The following TRAPPC13 variants were observed in gnomAD, a reference collection of about 807,000 sequenced individuals.
The protein encoded by TRAPPC13 is trafficking protein particle complex subunit 13, also known as REV7-interacting novel NHEJ regulator 1.
TRAPPC13 carries 39 observed loss-of-function variants against 54.0 expected under a neutral mutation model. The observed-to-expected ratio is 0.72, with a 90% CI of 0.56 to 0.94. TRAPPC13 has a LOEUF of 0.94. TRAPPC13 is among the 40% of genes least tolerant of loss of function. The probability of loss-of-function intolerance (pLI) is 0.00; values close to 1 mark genes in which losing one functional copy is unlikely to be tolerated. For missense variants in TRAPPC13, 386 were observed against 488.1 expected, an observed-to-expected ratio of 0.79 and a Z score of 1.97; for synonymous variants, 148 against 167.7, an observed-to-expected ratio of 0.88 and a Z score of 0.91.
intron 4 of TRAPPC13, among the ~76,000 whole-genome samples, chr5:65,643,199 A>G (rs1432597249): frequency 6.6e-6 from 1 of 151,544 alleles, no homozygotes; most frequent in Non-Finnish European, 1.5e-5. Flanking sequence ...AATAATTTAT[A>G]GTTTTATTAC....
At chr5:65,661,418 T>C (rs2150693560) in intron 10 of TRAPPC13, 1 of 152,532 alleles carries the variant, frequency 6.6e-6, no homozygotes, top group South Asian at 2.1e-4. Flanking sequence ...TTCTTATGCT[T>C]GTAAGAATAT....
Position 65,665,232 on chromosome 5 carries a change from A to G in TRAPPC13, c.*621A>G, listed in dbSNP as rs999665256. ...GCTGGGCAGATTTGGCCTGCAGGGT[A>G]TAGTTGGCTGACCTCAATCTAGAAG... On this transcript the variant is annotated 3_prime_UTR_variant, in exon 13 of 13. Coordinates refer to ENST00000399438, the MANE Select transcript of TRAPPC13 (RefSeq NM_024941.4). 7 of 152,224 alleles carry G rather than the reference A, an allele frequency of 4.6e-5. No individual in the cohort carries two copies. Among genetic ancestry groups the G allele is most frequent in the African/African-American group, 1.7e-4 (7 of 41,452 alleles). The allele number at this position is 152,224 out of a possible 1,614,324, so 9.4% of individuals were successfully genotyped here.
intron 1 of TRAPPC13, chr5:65,629,928 C>G: frequency 6.5e-7 from 1 of 1,536,064 alleles, no homozygotes; most frequent in Non-Finnish European, 8.7e-7. Context: ...CAGACTAATT[C>G]TGGAAATCTG....
At chr5:65,625,187 A>G in intron 1 of TRAPPC13, 81 bp downstream of exon 1, 1 of 1,207,154 alleles carries the variant, frequency 8.3e-7, no homozygotes, top group South Asian at 1.2e-5. Flanking sequence ...TGTAGGCCTC[A>G]TCCTTCTTAA....
chr5:65,635,947 A>T lies in TRAPPC13; in HGVS notation c.119A>T (p.Asp40Val), dbSNP rs1426696089. 4.4e-6 allele frequency: 7 copies of T among 1,580,734 alleles called. No individual in the cohort carries two copies. Among genetic ancestry groups the T allele is most frequent in the South Asian group, 1.2e-5 (1 of 85,656 alleles). ...TTATGTTTTTCTCTTCATTCAGGAG[A>T]TCTCTTTAACCAGCTGATGAGAGAT... ...VTCEEKDLPGDLFNQLMRDDP... is the reference protein window; with the variant it reads ...VTCEEKDLPGVLFNQLMRDDP... Residue 40 changes from aspartate to valine, a missense_variant, in exon 3 of 13, where the codon GAT (aspartate) becomes GTT (valine). By Grantham distance (152) the Asp-to-Val change is radical. Transcript: ENST00000399438.
At chr5:65,651,536 C>T (rs1362289772) in intron 6 of TRAPPC13, among the ~76,000 whole-genome samples, 2 of 151,882 alleles carry the variant, frequency 1.3e-5, no homozygotes, top group Non-Finnish European at 2.9e-5. Flanking sequence ...GACTGAGCTT[C>T]CTTCAAAGAC....
intron 8 of TRAPPC13, among the ~76,000 whole-genome samples, chr5:65,657,263 T>C (rs1756690552): frequency 6.6e-6 from 1 of 151,640 alleles, no homozygotes; most frequent in East Asian, 1.9e-4. Flanking sequence ...GCGCCTATAA[T>C]CCCAGCTACT....
chr5:65,663,631 T>C (rs905783853), intron 11 of TRAPPC13: 10 of 152,242 alleles, frequency 6.6e-5, no homozygotes, highest in African/African-American at 2.4e-4. Context: ...CTTTTGGTTA[T>C]TTAAAGAAGA....
At chr5:65,643,840 A>AG (rs1037516147) in intron 4 of TRAPPC13, among the ~76,000 whole-genome samples, 27 of 150,980 alleles carry the variant, frequency 1.8e-4, no homozygotes, top group East Asian at 3.9e-4. Context: ...AAAGAAAGAA[A>AG]AAAAAAAAAA....
intron 11 of TRAPPC13, chr5:65,663,575 A>AT (rs1756915262): frequency 6.6e-6 from 1 of 152,226 alleles, no homozygotes; most frequent in South Asian, 2.1e-4. Context: ...GCTAAAAGCC[A>AT]TAAGTAGCCG....
In TRAPPC13 at chr5:65,625,042, G is replaced by T; in HGVS notation, c.-19G>T. ...CCTGTCCAGCCCCCGTAGGCTGTGG[G>T]TCAAAAGTGCCGGTCAAAATGGAAG... On this transcript the variant is annotated 5_prime_UTR_variant, in exon 1 of 13. Transcript: ENST00000399438. 1 of 1,612,174 alleles carries T rather than the reference G, an allele frequency of 6.2e-7. No homozygotes were observed. Among genetic ancestry groups the T allele is most frequent in the South Asian group, 1.1e-5 (1 of 91,038 alleles).
intron 1 of TRAPPC13, 49 bp from the exon 2 acceptor site, chr5:65,635,252 C>A: frequency 6.8e-7 from 1 of 1,461,464 alleles, no homozygotes; most frequent in Non-Finnish European, 9.5e-7. Flanking sequence ...AGAATATTAA[C>A]CCTAAGCAGT....
chr5:65,640,332 T>C (rs1755916600), intron 4 of TRAPPC13, among the ~76,000 whole-genome samples: 1 of 152,168 alleles, frequency 6.6e-6, no homozygotes, highest in African/African-American at 2.4e-5. Context: ...AGGCTACGAG[T>C]TTGAGACCAG....
At chr5:65,657,208 C>T (rs1344860234) in intron 8 of TRAPPC13, among the ~76,000 whole-genome samples, 1 of 151,662 alleles carries the variant, frequency 6.6e-6, no homozygotes, top group African/African-American at 2.4e-5. Context: ...ATGGTGAAAC[C>T]CTGTCTCTAC....
At chr5:65,643,568 C>T (rs1294667252) in intron 4 of TRAPPC13, among the ~76,000 whole-genome samples, 1 of 151,924 alleles carries the variant, frequency 6.6e-6, no homozygotes, top group Admixed American at 6.6e-5. Context: ...CCTGTAATCC[C>T]AGCACTTTGG....
At chr5:65,628,340 T>C (rs1471957977) in intron 1 of TRAPPC13, among the ~76,000 whole-genome samples, 2 of 152,210 alleles carry the variant, frequency 1.3e-5, no homozygotes. Context: ...AACTGGTTCT[T>C]AGCCTGGTTA....
chr5:65,634,362 A>G (rs952063546), intron 1 of TRAPPC13, among the ~76,000 whole-genome samples: 2 of 152,174 alleles, frequency 1.3e-5, no homozygotes, highest in South Asian at 2.1e-4. Context: ...TCTTATATTA[A>G]TAAGTCAATT....
At chr5:65,629,995 T>C (rs998328243) in intron 1 of TRAPPC13, 17 of 1,535,790 alleles carry the variant, frequency 1.1e-5, no homozygotes, top group Admixed American at 3.9e-5. Context: ...GTATTTCCCT[T>C]CCCAGCAATA....
At position 65,655,655 on chromosome 5, in the gene TRAPPC13, T is replaced by C; in HGVS notation, c.564+2T>C. 1 of 856,242 alleles carries C rather than the reference T, an allele frequency of 1.2e-6. No homozygotes were observed. Among genetic ancestry groups the C allele is most frequent in the Non-Finnish European group, 1.6e-6 (1 of 616,360 alleles). The allele number at this position is 856,242 out of a possible 1,614,324, so 53.0% of individuals were successfully genotyped here. ...CATTAGAGTGACCTCAGTTCTGTGG[T>C]AATTTGATTTTTTATTATAAATTTT... On this transcript the variant is annotated splice_donor_variant, in intron 8 of 12. Transcript: ENST00000399438. LOFTEE classifies it high-confidence loss of function.
Sources: allele counts gnomAD v4.1 joint callset (sites outside exome capture counted in the v4.1 genomes callset), GRCh38; gene constraint gnomAD v4.1.1; transcripts MANE v1.5; gene names NCBI Gene and HGNC (gene_info 2026-07-23, HGNC 2026-07-21).